The following BCKDHB variants were observed in gnomAD, a reference collection of about 807,000 sequenced individuals.
BCKDHB encodes the protein 2-oxoisovalerate dehydrogenase subunit beta, mitochondrial.
A neutral mutation model predicts 48.5 loss-of-function variants in BCKDHB; 41 were observed. The ratio of observed to expected loss-of-function variants is 0.85; its 90% CI spans 0.66 to 1.10. The LOEUF is 1.10. Ranked by LOEUF, BCKDHB falls within the 50% of genes least tolerant of loss-of-function variation. The probability of loss-of-function intolerance (pLI) is 0.00; values close to 1 mark genes in which losing one functional copy is unlikely to be tolerated. For missense variants in BCKDHB, 496 were observed against 494.2 expected, an observed-to-expected ratio of 1.00 and a Z score of -0.03; for synonymous variants, 201 against 174.8, an observed-to-expected ratio of 1.15 and a Z score of -1.18.
intron 8 of BCKDHB, among the ~76,000 whole-genome samples, chr6:80,256,335 T>C (rs1458527908): frequency 1.3e-5 from 2 of 152,186 alleles, no homozygotes; most frequent in Non-Finnish European, 2.9e-5. Context: ...CTAGGCTATA[T>C]GGTATAGCCT....
At chr6:80,110,742 G>A (rs1344744960) in intron 1 of BCKDHB, among the ~76,000 whole-genome samples, 1 of 152,210 alleles carries the variant, frequency 6.6e-6, no homozygotes, top group Non-Finnish European at 1.5e-5. Context: ...CCTACCAGTG[G>A]GTCTTAAGAG....
intron 6 of BCKDHB, among the ~76,000 whole-genome samples, chr6:80,174,464 G>A (rs563570472): frequency 6.4e-4 from 97 of 152,136 alleles, no homozygotes; most frequent in African/African-American, 2.1e-3. Flanking sequence ...CCTGTGGAAC[G>A]TGCATGTACA....
chr6:80,212,330 T>G (rs1402269250), intron 8 of BCKDHB, among the ~76,000 whole-genome samples: 1 of 152,150 alleles, frequency 6.6e-6, no homozygotes, highest in Non-Finnish European at 1.5e-5. Context: ...CCCCCAGGAA[T>G]GCATTCCTTT....
chr6:80,156,509 G>A (rs1772051355), intron 3 of BCKDHB, among the ~76,000 whole-genome samples: 1 of 152,132 alleles, frequency 6.6e-6, no homozygotes, highest in African/African-American at 2.4e-5. Context: ...GTATCAGTAA[G>A]TACAAAAAGA....
At chr6:80,427,008 G>A in the BCKDHB span, among the ~76,000 whole-genome samples, 1 of 151,894 alleles carries the variant, frequency 6.6e-6, no homozygotes, top group African/African-American at 2.4e-5. Context: ...GAATTCTAAT[G>A]TATTTGTATA....
At chr6:80,455,532 C>T in the BCKDHB span, among the ~76,000 whole-genome samples, 5 of 150,614 alleles carry the variant, frequency 3.3e-5, no homozygotes, top group African/African-American at 1.2e-4. Flanking sequence ...AGGGCTTAGA[C>T]TCCTTTATAC....
the BCKDHB span, among the ~76,000 whole-genome samples, chr6:80,365,562 G>T: frequency 1.3e-5 from 2 of 152,098 alleles, no homozygotes; most frequent in South Asian, 4.2e-4. Context: ...GACCCCTCAG[G>T]CAGTCAGACC....
At chr6:80,257,948 T>G (rs1431088650) in intron 8 of BCKDHB, among the ~76,000 whole-genome samples, 1 of 152,090 alleles carries the variant, frequency 6.6e-6, no homozygotes, top group Non-Finnish European at 1.5e-5. Flanking sequence ...AACTTAACTA[T>G]TTGACACCTC....
At chr6:80,114,618 G>A (rs939684374) in intron 1 of BCKDHB, among the ~76,000 whole-genome samples, 3 of 152,160 alleles carry the variant, frequency 2.0e-5, no homozygotes, top group African/African-American at 7.2e-5. Flanking sequence ...ATGAAAAAAA[G>A]GAAGACATTG....
Position 80,106,679 on chromosome 6 carries a change from C to A in BCKDHB, c.-15C>A, listed in dbSNP as rs747088249. 20 of 1,550,268 alleles carry A rather than the reference C, an allele frequency of 1.3e-5. No homozygotes were observed. Among genetic ancestry groups the A allele is most frequent in the Non-Finnish European group, 1.6e-5 (18 of 1,147,550 alleles). ...GTGCGGCTGCATAGCCTGAGAATCC[C>A]GGTGGTGAGCGGGGATGGCGGTTGT... On this transcript the variant is annotated 5_prime_UTR_variant, in exon 1 of 10. Transcript: ENST00000320393.
chr6:80,194,121 T>C (rs1026895126), intron 6 of BCKDHB, among the ~76,000 whole-genome samples: 3 of 152,326 alleles, frequency 2.0e-5, no homozygotes, highest in African/African-American at 7.2e-5. Context: ...CGGTTTTCAA[T>C]GACATTTCTA....
the BCKDHB span, among the ~76,000 whole-genome samples, chr6:80,405,963 C>T: frequency 6.6e-6 from 1 of 152,128 alleles, no homozygotes; most frequent in Admixed American, 6.5e-5. Context: ...TCTCCTAATG[C>T]TATCCCTCCT....
intron 9 of BCKDHB, among the ~76,000 whole-genome samples, chr6:80,329,552 CTG>C (rs1769215382): frequency 6.6e-6 from 1 of 152,164 alleles, no homozygotes; most frequent in African/African-American, 2.4e-5. Context: ...CCATCAGACA[CTG>C]TGGTTGCATC....
Position 80,344,769 on chromosome 6 carries a change from C to A in BCKDHB, c.*965C>A, listed in dbSNP as rs1301779356. On this transcript the variant is annotated 3_prime_UTR_variant, in exon 10 of 10. Transcript: ENST00000320393. Reference sequence around the variant, plus strand: ...GTACTTTATACCATTGTTTCAACTTCAACCTTTATTTTTGTATATATTTTT... The same window carrying A: ...GTACTTTATACCATTGTTTCAACTTAAACCTTTATTTTTGTATATATTTTT... The A allele has an allele frequency of 2.0e-5, 3 of 152,150 alleles. No individual in the cohort carries two copies. Among genetic ancestry groups the A allele is most frequent in the African/African-American group, 7.2e-5 (3 of 41,434 alleles). The allele number at this position is 152,150 out of a possible 1,614,324, so 9.4% of individuals were successfully genotyped here.
chr6:80,243,986 A>G (rs934747737), intron 8 of BCKDHB, among the ~76,000 whole-genome samples: 2 of 152,252 alleles, frequency 1.3e-5, no homozygotes, highest in Non-Finnish European at 2.9e-5. Flanking sequence ...TTATTTCAGT[A>G]AACTGAAAAT....
the BCKDHB span, among the ~76,000 whole-genome samples, chr6:80,460,976 A>G: frequency 6.6e-5 from 10 of 152,096 alleles, no homozygotes; most frequent in African/African-American, 2.4e-4. Flanking sequence ...CTCTTGACCA[A>G]TCTCTTAATA....
intron 8 of BCKDHB, among the ~76,000 whole-genome samples, chr6:80,234,060 A>G (rs1032496753): frequency 9.9e-5 from 15 of 152,012 alleles, no homozygotes; most frequent in African/African-American, 3.6e-4. Flanking sequence ...ACAGTTCACA[A>G]TAGTGTTTGC....
chr6:80,244,244 G>T (rs546672600), intron 8 of BCKDHB, among the ~76,000 whole-genome samples: 22 of 152,284 alleles, frequency 1.4e-4, no homozygotes, highest in African/African-American at 5.3e-4. Flanking sequence ...GTGTGTGTGT[G>T]CATGTATGTG....
chr6:80,321,650 A>G (rs573010112), intron 9 of BCKDHB, among the ~76,000 whole-genome samples: 2 of 152,332 alleles, frequency 1.3e-5, no homozygotes, highest in South Asian at 4.1e-4. Context: ...AACTTTGCCT[A>G]AAGTTTAAAA....
Sources: allele counts gnomAD v4.1 joint callset (sites outside exome capture counted in the v4.1 genomes callset), GRCh38; gene constraint gnomAD v4.1.1; transcripts MANE v1.5; gene names NCBI Gene and HGNC (gene_info 2026-07-23, HGNC 2026-07-21).